BICD2: variants seen among roughly 807,000 people sequenced by gnomAD.
BICD2 encodes the protein protein bicaudal D homolog 2.
In BICD2, 25 loss-of-function variants were observed where a neutral mutation model predicts 72.9. That is an observed-to-expected ratio of 0.34 (90% confidence interval 0.25 to 0.48). The LOEUF (loss-of-function observed/expected upper bound fraction) is 0.48. Ranked by LOEUF, BICD2 falls within the 20% of genes least tolerant of loss-of-function variation. The pLI, the probability that BICD2 is intolerant of heterozygous loss-of-function variation, is 0.99. For synonymous variants in BICD2, 501 were observed against 516.1 expected, an observed-to-expected ratio of 0.97 and a Z score of 0.40; for missense variants, 894 against 1,175.2, an observed-to-expected ratio of 0.76 and a Z score of 3.50.
At chr9:92,727,893 G>C (rs959913499) in intron 2 of BICD2, among the ~76,000 whole-genome samples, 1 of 152,194 alleles carries the variant, frequency 6.6e-6, no homozygotes, top group African/African-American at 2.4e-5. Flanking sequence ...CAGGCACGGG[G>C]TACTGCTCTC....
chr9:92,725,020 C>T (rs1004085257), intron 2 of BICD2, among the ~76,000 whole-genome samples: 1 of 152,192 alleles, frequency 6.6e-6, no homozygotes, highest in Non-Finnish European at 1.5e-5. Flanking sequence ...CAGTCAAGAT[C>T]AACAAACCTA....
chr9:92,729,123 C>A lies in BICD2; in HGVS notation c.354G>T (p.Val118=). The A allele has an allele frequency of 6.2e-7, 1 of 1,614,256 alleles. No individual in the cohort carries two copies. Among genetic ancestry groups the A allele is most frequent in the Non-Finnish European group, 8.5e-7 (1 of 1,180,054 alleles). ...GCTTCAGCTCCGTCTGCAGCTCTAGCACCTTCCGCACGTAGTACTGCTCCT... is the reference window on the plus strand; with the variant it reads ...GCTTCAGCTCCGTCTGCAGCTCTAGAACCTTCCGCACGTAGTACTGCTCCT... ...ASKEQYYVRK[V]LELQTELKQL... The change falls in exon 2 of 7, where the codon GTG becomes GTT. Residue 118 remains valine (V), a synonymous_variant. Transcript: ENST00000356884.
rs1243854107 is a variant in BICD2 at position 92,717,946 on chromosome 9, C to T, written c.2109G>A (p.Thr703=). 11 of 1,612,880 alleles carry T rather than the reference C, an allele frequency of 6.8e-6. No individual in the cohort carries two copies. In the East Asian group the frequency reaches 1.8e-4, roughly 26 times the overall value. Residue 703 remains threonine (T), a splice_region_variant and synonymous_variant, in exon 6 of 7, where the codon ACG becomes ACA. Coordinates refer to ENST00000356884, the MANE Select transcript of BICD2 (RefSeq NM_001003800.2). ...LRTVLKANKQ[T]AEVALANLKS... is the part of the protein sequence containing the mutation. ...TCAGGTTGGCAAGGGCCACCTCGGC[C>T]GTCTGGGGGACAGATGTGTAGGGTG...
At chr9:92,726,418 C>T (rs529053227) in intron 2 of BICD2, among the ~76,000 whole-genome samples, 3 of 152,214 alleles carry the variant, frequency 2.0e-5, no homozygotes, top group East Asian at 1.9e-4. Context: ...GCTGTTTTAT[C>T]GTCAAATGTA....
chr9:92,721,421 T>C (rs1410966171), intron 3 of BICD2, among the ~76,000 whole-genome samples: 1 of 152,116 alleles, frequency 6.6e-6, no homozygotes, highest in African/African-American at 2.4e-5. Flanking sequence ...TACATGAAAA[T>C]TGTATCTGCA....
intron 1 of BICD2, among the ~76,000 whole-genome samples, chr9:92,735,623 G>C (rs185435331): frequency 6.6e-6 from 1 of 151,742 alleles, no homozygotes; most frequent in African/African-American, 2.4e-5. Context: ...AGCAGAGGAC[G>C]AAATGGGGAG....
At position 92,717,867 on chromosome 9, in the gene BICD2, G is replaced by A. The variant is rs745733355; in HGVS notation, c.2188C>T (p.Arg730Cys). 1.9e-6 allele frequency: 3 copies of A among 1,613,234 alleles called. No individual in the cohort carries two copies. The highest frequency in any genetic ancestry group is 2.5e-6 in the Non-Finnish European group (3 of 1,180,016). Residue 730 changes from arginine (R) to cysteine (C), a missense_variant, in exon 6 of 7, where the codon CGC (arginine) becomes TGC (cysteine). Physicochemically the swap from Arg to Cys is radical, Grantham distance 180. Coordinates refer to ENST00000356884, the MANE Select transcript of BICD2 (RefSeq NM_001003800.2). The part of the protein sequence containing the change: ...AMVTETMMKL[R>C]NELKALKEDA... Reference sequence around the variant, plus strand: ...TCCTTGAGGGCCTTGAGCTCATTGCGCAGCTTCATCATGGTCTCGGTAACC... The same window carrying A: ...TCCTTGAGGGCCTTGAGCTCATTGCACAGCTTCATCATGGTCTCGGTAACC...
rs1308644588 is a variant in BICD2, at chr9:92,713,408, G to A, written c.*1746C>T. Reference sequence around the variant, plus strand: ...TGGGCCACGAGAGGGAAGGGGAAGGGGCTGCAGTGTGACAGGGCCGGGTGG... The same window carrying A: ...TGGGCCACGAGAGGGAAGGGGAAGGAGCTGCAGTGTGACAGGGCCGGGTGG... On this transcript the variant is annotated 3_prime_UTR_variant, in exon 7 of 7. Coordinates refer to ENST00000356884, the MANE Select transcript of BICD2 (RefSeq NM_001003800.2). 1.3e-6 allele frequency: 2 copies of A among 1,564,348 alleles called. No individual in the cohort carries two copies. The highest frequency in any genetic ancestry group is 1.3e-5 in the African/African-American group (1 of 74,200).
chr9:92,762,870 AAC>A (rs1854399550), intron 1 of BICD2, among the ~76,000 whole-genome samples: 1 of 152,152 alleles, frequency 6.6e-6, no homozygotes, highest in African/African-American at 2.4e-5. Flanking sequence ...AAAGCGCCCT[AAC>A]AGATAGTGCT....
Position 92,764,568 on chromosome 9 carries a change from C to G in BICD2, c.177G>C (p.Leu59=). Residue 59 remains leucine (L), a synonymous_variant, in exon 1 of 7, where the codon CTG becomes CTC. Coordinates refer to ENST00000356884, the MANE Select transcript of BICD2 (RefSeq NM_001003800.2). This position sits in a 1 kb window ranked among gnomAD's most constrained non-coding sequence, Gnocchi z 5.5. ...AGTCCACCTCGAGCTCCTCGAACTG[C>G]AGCTTGAGCTGGTGCTTCTCCTCGA... ...AVLEEKHQLK[L]QFEELEVDYE... 1.3e-6 allele frequency: 2 copies of G among 1,561,276 alleles called. No individual in the cohort carries two copies. Among genetic ancestry groups the G allele is most frequent in the Non-Finnish European group, 1.7e-6 (2 of 1,153,828 alleles).
Position 92,720,358 on chromosome 9 carries a change from T to G in BICD2, c.1004A>C (p.Asp335Ala), listed in dbSNP as rs1853434338. The G allele has an allele frequency of 6.2e-7, 1 of 1,613,724 alleles. No individual in the cohort carries two copies. The highest frequency in any genetic ancestry group is 1.3e-5 in the African/African-American group (1 of 74,890). Residue 335 changes from aspartate (D) to alanine (A), a missense_variant, in exon 4 of 7, where the codon GAC becomes GCC. Transcript: ENST00000356884. The surrounding 1 kb of genome is among the most constrained non-coding windows in gnomAD (Gnocchi z 5.4). ...LAPPSPSLVS[D>A]LLSELNISEI... ...AGAGATGTTGAGCTCACTGAGTAGG[T>G]CGGAGACGAGGCTGGGGGAGGGCGG...
chr9:92,718,465 A>G (rs1587667985), intron 5 of BICD2, 74 bp downstream of exon 5: 30 of 1,505,388 alleles, frequency 2.0e-5, no homozygotes, highest in East Asian at 2.3e-5. Context: ...TGGCAGGGGG[A>G]GGAAGGAGGC....
chr9:92,729,805 C>T (rs976034109), intron 1 of BICD2, among the ~76,000 whole-genome samples: 8 of 152,254 alleles, frequency 5.3e-5, no homozygotes, highest in African/African-American at 1.9e-4. Flanking sequence ...GTTCCTGGCT[C>T]AGAAGCCAAG....
intron 1 of BICD2, among the ~76,000 whole-genome samples, chr9:92,735,471 CGAGCAAT>C (rs1853764527): frequency 6.6e-6 from 1 of 151,842 alleles, no homozygotes; most frequent in Admixed American, 6.6e-5. Context: ...GGGAATAGCA[CGAGCAAT>C]GACATGGGGG....
At chr9:92,744,322 A>G (rs1326060421) in intron 1 of BICD2, among the ~76,000 whole-genome samples, 2 of 152,224 alleles carry the variant, frequency 1.3e-5, no homozygotes, top group Admixed American at 1.3e-4. Flanking sequence ...AGTCAAAACC[A>G]GGCAAGATAT....
chr9:92,736,168 G>T (rs748708935), intron 1 of BICD2, among the ~76,000 whole-genome samples: 8 of 152,170 alleles, frequency 5.3e-5, no homozygotes, highest in Non-Finnish European at 1.2e-4. Flanking sequence ...AAAACAGGCT[G>T]CAGTAATTAC....
chr9:92,738,996 C>T (rs1853843800), intron 1 of BICD2, among the ~76,000 whole-genome samples: 1 of 145,730 alleles, frequency 6.9e-6, no homozygotes, highest in Non-Finnish European at 1.5e-5. Flanking sequence ...AGGGTGGGCC[C>T]AGCCTCCTGG....
At chr9:92,760,649 A>G (rs918800235) in intron 1 of BICD2, among the ~76,000 whole-genome samples, 8 of 152,194 alleles carry the variant, frequency 5.3e-5, no homozygotes, top group Non-Finnish European at 8.8e-5. Context: ...CCACATGGTC[A>G]TCATCTTTGG....
chr9:92,743,079 T>C (rs1853929876), intron 1 of BICD2, among the ~76,000 whole-genome samples: 1 of 152,274 alleles, frequency 6.6e-6, no homozygotes, highest in Admixed American at 6.5e-5. Context: ...TATCCCATTT[T>C]ATATGTTCCC....
Sources: gnomAD v4.1 joint callset for allele counts (sites outside exome capture counted in the v4.1 genomes callset) on GRCh38, gnomAD v4.1.1 for gene constraint, Gnocchi (gnomAD v3.1) non-coding constraint, MANE v1.5 for transcripts, NCBI Gene and HGNC (gene_info 2026-07-23, HGNC 2026-07-21) for gene names.